SEMA4D: variants seen among roughly 807,000 people sequenced by gnomAD.
SEMA4D encodes the protein semaphorin-4D.
In SEMA4D, 22 loss-of-function variants were observed where a neutral mutation model predicts 74.8. The ratio of observed to expected loss-of-function variants is 0.29; its 90% CI spans 0.21 to 0.42. The LOEUF is 0.42. SEMA4D is among the 10% of genes least tolerant of loss of function. The pLI is 1.00. For missense variants in SEMA4D, 937 were observed against 1,118.4 expected (o/e 0.84, Z 2.31); for synonymous variants, 445 against 463.7 (o/e 0.96, Z 0.52).
intron 16 of SEMA4D, chr9:89,364,884 C>A (rs2132257583): frequency 6.7e-6 from 1 of 149,244 alleles, no homozygotes; most frequent in Middle Eastern, 3.5e-3. Flanking sequence ...GAGGGCTACT[C>A]CTAGACACTA....
At chr9:89,385,151 C>G (rs79336288) in intron 13 of SEMA4D, 33,107 of 884,796 alleles carry the variant, frequency 0.037, 720 homozygotes, top group South Asian at 0.1. Context: ...GACCCGTAAC[C>G]CCCTCTGTGC....
Position 89,379,276 on chromosome 9 carries a change from AC to A in SEMA4D, c.2016del (p.Leu673TrpfsTer93), listed in dbSNP as rs754817071. On this transcript the variant is annotated frameshift_variant, in exon 16 of 16. Transcript: ENST00000422704. LOFTEE classifies it low-confidence loss of function (END_TRUNC). ...GAAGACCCTTGGGTGGATGCCACCA[AC>A]ACTTTGGTGGCAATCCTACTACCTT... ...QTEGSRIATK[V>X]LVASTQGSSP... is the part of the protein sequence containing the mutation. The A allele has an allele frequency of 2.5e-6, 4 of 1,613,964 alleles. No homozygotes were observed. The East Asian group carries it at 8.9e-5, about 36-fold the overall frequency.
At chr9:89,375,837 A>G (rs1835716022), downstream of SEMA4D, among the ~76,000 whole-genome samples, 1 of 152,202 alleles carries the variant, frequency 6.6e-6, no homozygotes, top group Admixed American at 6.5e-5. Context: ...AGAGGAGTAC[A>G]CTAGACTCTC....
chr9:89,391,362 C>G lies in SEMA4D; in HGVS notation c.676G>C (p.Gly226Arg), dbSNP rs201890163. 3.3e-5 allele frequency: 54 copies of G among 1,614,152 alleles called. No homozygotes were observed. Among genetic ancestry groups the G allele is most frequent in the Non-Finnish European group, 4.2e-5 (50 of 1,180,058 alleles). ...VIRKSPDSPDGEDDRVYFFFT... is the reference protein window; with the variant it reads ...VIRKSPDSPDREDDRVYFFFT... ...AAGAAGTAGACCCTGTCATCCTCGCCGTCGGGGCTGTCTGGGCTTTTTCGG... is the reference window on the plus strand; with the variant it reads ...AAGAAGTAGACCCTGTCATCCTCGCGGTCGGGGCTGTCTGGGCTTTTTCGG... The change falls in exon 9 of 16, where the codon GGC becomes CGC. Residue 226 changes from glycine (G) to arginine (R), a missense_variant. Gly to Arg is a moderately radical substitution (Grantham distance 125, BLOSUM62 -2). Coordinates refer to ENST00000422704, the MANE Select transcript of SEMA4D (RefSeq NM_001371194.2).
intron 2 of SEMA4D, among the ~76,000 whole-genome samples, chr9:89,454,417 C>T (rs1311242327): frequency 3.3e-5 from 5 of 152,040 alleles, no homozygotes; most frequent in Middle Eastern, 3.2e-3. Flanking sequence ...CATGGTCAGC[C>T]CCCCCCAGAT....
At chr9:89,465,397 C>A (rs1170108281) in intron 1 of SEMA4D, among the ~76,000 whole-genome samples, 1 of 152,094 alleles carries the variant, frequency 6.6e-6, no homozygotes, top group Non-Finnish European at 1.5e-5. Context: ...ACAAGAGAAC[C>A]AAGGAGGTGT....
chr9:89,397,965 C>A (rs548686099), intron 5 of SEMA4D, among the ~76,000 whole-genome samples: 2 of 152,148 alleles, frequency 1.3e-5, no homozygotes, highest in East Asian at 3.9e-4. Flanking sequence ...CACTGAGGGG[C>A]CTGAGGGACC....
chr9:89,468,834 G>T (rs1859425130), intron 1 of SEMA4D, among the ~76,000 whole-genome samples: 2 of 152,106 alleles, frequency 1.3e-5, no homozygotes. Context: ...GGTCACTGGG[G>T]TAGCTCCTAT....
Position 89,379,332 on chromosome 9 carries a change from A to G in SEMA4D, c.1961T>C (p.Val654Ala), listed in dbSNP as rs754461108. ...LEVKVVPKPV[V>A]APTLSVVQTE... is the part of the protein sequence containing the mutation. ...CTGAACAACTGACAAGGTGGGGGCCACTACGGGCTTTGGAACCACCTTCAC... is the reference window on the plus strand; with the variant it reads ...CTGAACAACTGACAAGGTGGGGGCCGCTACGGGCTTTGGAACCACCTTCAC... The change falls in exon 16 of 16, where the codon GTG becomes GCG. Residue 654 changes from valine to alanine, a missense_variant. Val to Ala is a moderately conservative substitution (Grantham distance 64, BLOSUM62 0). Coordinates refer to ENST00000422704, the MANE Select transcript of SEMA4D (RefSeq NM_001371194.2). The G allele has an allele frequency of 6.2e-7, 1 of 1,614,204 alleles. No individual in the cohort carries two copies. The highest frequency in any genetic ancestry group is 1.7e-5 in the Admixed American group (1 of 60,030).
At position 89,379,170 on chromosome 9, in the gene SEMA4D, C is replaced by T; in HGVS notation, c.2123G>A (p.Cys708Tyr). 6.2e-7 allele frequency: 1 copy of T among 1,614,108 alleles called. No individual in the cohort carries two copies. Among genetic ancestry groups the T allele is most frequent in the Non-Finnish European group, 8.5e-7 (1 of 1,180,010 alleles). Residue 708 changes from cysteine (C) to tyrosine (Y), a missense_variant, in exon 16 of 16, where the codon TGC (cysteine) becomes TAC (tyrosine). Transcript: ENST00000422704. ...CGTGTTGATGACGATCTTTGGTTCGCAGGATGTGCCGGTGGGCGCAGGCTT... is the reference window on the plus strand; with the variant it reads ...CGTGTTGATGACGATCTTTGGTTCGTAGGATGTGCCGGTGGGCGCAGGCTT... ...PPKPAPTGTS[C>Y]EPKIVINTVP...
intron 2 of SEMA4D, among the ~76,000 whole-genome samples, chr9:89,412,429 T>C (rs1183240098): frequency 6.6e-6 from 1 of 152,218 alleles, no homozygotes; most frequent in African/African-American, 2.4e-5. Context: ...TTTAAATGGT[T>C]ACGAAGGACT....
chr9:89,434,018 C>T (rs72748994), intron 2 of SEMA4D, among the ~76,000 whole-genome samples: 6,456 of 152,286 alleles, frequency 0.042, 187 homozygotes, highest in Non-Finnish European at 0.064. Flanking sequence ...TTGGCATGCA[C>T]GGACTGCCCC....
At chr9:89,401,238 G>C (rs949863921) in intron 4 of SEMA4D, among the ~76,000 whole-genome samples, 1 of 151,796 alleles carries the variant, frequency 6.6e-6, no homozygotes, top group African/African-American at 2.4e-5. Context: ...TGCAGTTTTT[G>C]TAGAGAAAGG....
At chr9:89,473,274 A>G (rs1321460787) in intron 1 of SEMA4D, among the ~76,000 whole-genome samples, 1 of 152,128 alleles carries the variant, frequency 6.6e-6, no homozygotes, top group Non-Finnish European at 1.5e-5. Flanking sequence ...AGCTGACCCA[A>G]ACCTTAAAAA....
chr9:89,477,792 T>C (rs1862145376), intron 1 of SEMA4D, among the ~76,000 whole-genome samples: 1 of 152,204 alleles, frequency 6.6e-6, no homozygotes, highest in South Asian at 2.1e-4. Context: ...AAAAATGCCA[T>C]TAAAATAATG....
At chr9:89,419,760 T>C (rs1020956691) in intron 2 of SEMA4D, among the ~76,000 whole-genome samples, 23 of 147,742 alleles carry the variant, frequency 1.6e-4, no homozygotes, top group African/African-American at 4.4e-4. Flanking sequence ...CAAAAAAAAA[T>C]ACAAAAATTA....
intron 2 of SEMA4D, among the ~76,000 whole-genome samples, chr9:89,440,297 G>A (rs573944543): frequency 6.6e-6 from 1 of 152,256 alleles, no homozygotes; most frequent in East Asian, 1.9e-4. Context: ...CAGCCCCTGT[G>A]CCTTCTCCCA....
At chr9:89,480,469 G>A (rs1011028378) in intron 1 of SEMA4D, among the ~76,000 whole-genome samples, 2 of 152,244 alleles carry the variant, frequency 1.3e-5, no homozygotes, top group Non-Finnish European at 2.9e-5. Context: ...GGAGCAGGGG[G>A]TGGCTCTCGT....
At chr9:89,392,374 C>T (rs745320614) in intron 8 of SEMA4D, 49 bp downstream of exon 8, 1 of 1,384,162 alleles carries the variant, frequency 7.2e-7, no homozygotes, top group African/African-American at 1.4e-5. Context: ...CAGGTGTGCA[C>T]TCATGAGGAG....
Sources: allele counts gnomAD v4.1 joint callset (sites outside exome capture counted in the v4.1 genomes callset), GRCh38; gene constraint gnomAD v4.1.1; transcripts MANE v1.5; gene names NCBI Gene and HGNC (gene_info 2026-07-23, HGNC 2026-07-21).